Variants in CMTM2 observed in about 807,000 individuals in gnomAD.
CMTM2 encodes CKLF-like MARVEL transmembrane domain-containing protein 2.
A neutral mutation model predicts 16.8 loss-of-function variants in CMTM2; 15 were observed. The ratio of observed to expected loss-of-function variants is 0.89; its 90% CI spans 0.60 to 1.37. The LOEUF (loss-of-function observed/expected upper bound fraction) is 1.37, where lower values mean the gene tolerates loss of function less well. CMTM2 is among the 40% of genes most tolerant of loss of function. The pLI is 0.00. For synonymous variants in CMTM2, 117 were observed against 118.7 expected (o/e 0.99, Z 0.09); for missense variants, 282 against 318.0 (o/e 0.89, Z 0.86).
rs928529579 is a variant in CMTM2 at position 66,587,770 on chromosome 16, C to T, written c.547-149C>T. The T allele has an allele frequency of 1.6e-5, 12 of 756,824 alleles. No individual in the cohort carries two copies. The African/African-American group carries it at 2.1e-4, about 13-fold the overall frequency. 46.9% of individuals were successfully genotyped at this position (756,824 alleles called of 1,614,324 possible). A position where few individuals can be genotyped will look rare whatever the true frequency, so the allele number is the denominator to read the frequency against. ...AGAAGGCAAAGGCTGAGGGAGTAGG[C>T]ACGCTCCTAGCCTCTCAGAGATGGT... On this transcript the variant is annotated intron_variant, in intron 3 of 3. Coordinates refer to ENST00000268595, the MANE Select transcript of CMTM2 (RefSeq NM_144673.3).
chr16:66,587,779 A>T, intron 3 of CMTM2, 140 bp from the exon 4 acceptor site: 1 of 817,478 alleles, frequency 1.2e-6, no homozygotes, highest in Non-Finnish European at 2.0e-6. Flanking sequence ...GCACGCTCCT[A>T]GCCTCTCAGA....
chr16:66,585,803 T>C (rs2014786255), intron 2 of CMTM2, among the ~76,000 whole-genome samples: 1 of 152,156 alleles, frequency 6.6e-6, no homozygotes, highest in African/African-American at 2.4e-5. Flanking sequence ...TTCTGGGCAT[T>C]TGAAATGTAT....
intron 2 of CMTM2, among the ~76,000 whole-genome samples, chr16:66,584,886 G>A (rs989253699): frequency 2.6e-5 from 4 of 151,908 alleles, no homozygotes; most frequent in Non-Finnish European, 5.9e-5. Flanking sequence ...GAGTCCAGGA[G>A]TCCAGGACTT....
In CMTM2 at chr16:66,582,884, T is replaced by TA. The variant is rs1555495290; in HGVS notation, c.444+2703dup. ...GTGAGACTCCATCTCAAAAAATAAATAAATAAAATAAAATAAAATAGACAT... is the reference window on the plus strand; with the variant it reads ...GTGAGACTCCATCTCAAAAAATAAATAAAATAAAATAAAATAAAATAGACAT... On this transcript the variant is annotated intron_variant, in intron 2 of 3. Transcript: ENST00000268595. Among the ~76,000 whole-genome samples the TA allele has an allele frequency of 3.3e-5, 5 of 151,742 alleles. No individual in the cohort carries two copies. In the East Asian group the frequency reaches 5.8e-4, roughly 18 times the overall value.
rs779892904 is a variant in CMTM2, at chr16:66,580,067, C to G, written c.327C>G (p.Thr109=). The G allele has an allele frequency of 3.1e-6, 5 of 1,614,090 alleles. No homozygotes were observed. Among genetic ancestry groups the G allele is most frequent in the Admixed American group, 1.7e-5 (1 of 60,004 alleles). Residue 109 remains threonine, a synonymous_variant, in exon 2 of 4, where the codon ACC becomes ACG. Coordinates refer to ENST00000268595, the MANE Select transcript of CMTM2 (RefSeq NM_144673.3). ...CAATGATACTGTTGTCCTCACTCAC[C>G]GTGCACCCCATCTTGAGGCTTATCA... ...IAAMILLSSL[T]VHPILRLIIT... is the part of the protein sequence containing the mutation.
chr16:66,587,867 C>A, intron 3 of CMTM2, 52 bp from the exon 4 acceptor site: 1 of 1,584,678 alleles, frequency 6.3e-7, no homozygotes, highest in South Asian at 1.1e-5. Flanking sequence ...GAGGGAAACT[C>A]ACCACCTTTG....
At chr16:66,583,844 C>T (rs2014762312) in intron 2 of CMTM2, among the ~76,000 whole-genome samples, 1 of 152,090 alleles carries the variant, frequency 6.6e-6, no homozygotes, top group South Asian at 2.1e-4. Flanking sequence ...TACCATAAAG[C>T]TTTGGTACTA....
At chr16:66,580,317 C>A in intron 2 of CMTM2, 133 bp downstream of exon 2, 2 of 944,516 alleles carry the variant, frequency 2.1e-6, no homozygotes, top group Non-Finnish European at 3.2e-6. Context: ...CTCAGAACAT[C>A]AGTGGGGCCC....
chr16:66,585,645 C>A (rs1019332779), intron 2 of CMTM2, among the ~76,000 whole-genome samples: 1 of 152,012 alleles, frequency 6.6e-6, no homozygotes, highest in African/African-American at 2.4e-5. Flanking sequence ...GGGAAGGAAG[C>A]GAGGGGGCTG....
intron 2 of CMTM2, among the ~76,000 whole-genome samples, chr16:66,580,885 C>T (rs1249774829): frequency 2.0e-5 from 3 of 152,148 alleles, no homozygotes; most frequent in African/African-American, 7.2e-5. Context: ...CTGCCCATCA[C>T]CTGTTTAACC....
At position 66,579,788 on chromosome 16, in the gene CMTM2, G is replaced by A. The variant is rs9925443; in HGVS notation, c.181G>A (p.Glu61Lys). 3.8e-4 allele frequency: 619 copies of A among 1,614,164 alleles called. 4 individuals carry two copies. In the African/African-American group the frequency reaches 6.8e-3, roughly 18 times the overall value. ...TCAAAAGGCGGTGCAGCCCAAGCAC[G>A]AAGTGGGCACGAGGAGGGGGTGTCG... Reference protein sequence around the residue: ...KPQKAVQPKHEVGTRRGCRRY... With the variant: ...KPQKAVQPKHKVGTRRGCRRY... Residue 61 changes from glutamate (E) to lysine (K), a missense_variant, in exon 1 of 4, where the codon GAA becomes AAA. Glu to Lys is a moderately conservative substitution (Grantham distance 56). Coordinates refer to ENST00000268595, the MANE Select transcript of CMTM2 (RefSeq NM_144673.3). The surrounding 1 kb of genome is among the most constrained non-coding windows in gnomAD (Gnocchi z 6.5).
intron 2 of CMTM2, among the ~76,000 whole-genome samples, chr16:66,581,514 A>C (rs1243769772): frequency 6.6e-6 from 1 of 152,198 alleles, no homozygotes; most frequent in Non-Finnish European, 1.5e-5. Flanking sequence ...GGAATGGTCC[A>C]AGAGGTATTG....
intron 2 of CMTM2, among the ~76,000 whole-genome samples, chr16:66,582,978 GCTTCT>G (rs2014752690): frequency 6.6e-6 from 1 of 152,294 alleles, no homozygotes; most frequent in African/African-American, 2.4e-5. Flanking sequence ...ATGCTTACTA[GCTTCT>G]CTTGTATTCA....
At position 66,579,671 on chromosome 16, in the gene CMTM2, GC is replaced by G; in HGVS notation, c.66del (p.Lys23AsnfsTer53). ...EPAPAPPPPGAKPEEDKKDGK... is the reference protein window; with the variant it reads ...EPAPAPPPPGXKPEEDKKDGK... ...AGCACCAGCTCCACCTCCACCCGGG[GC>G]CAAACCCGAGGAAGACAAGAAGGAC... On this transcript the variant is annotated frameshift_variant, in exon 1 of 4. Coordinates refer to ENST00000268595, the MANE Select transcript of CMTM2 (RefSeq NM_144673.3). LOFTEE classifies it high-confidence loss of function. The surrounding 1 kb of genome is among the most constrained non-coding windows in gnomAD (Gnocchi z 6.5). The G allele has an allele frequency of 6.2e-7, 1 of 1,614,060 alleles. No homozygotes were observed. Among genetic ancestry groups the G allele is most frequent in the Non-Finnish European group, 8.5e-7 (1 of 1,180,006 alleles).
chr16:66,587,872 C>A, intron 3 of CMTM2, 47 bp from the exon 4 acceptor site: 3 of 1,596,854 alleles, frequency 1.9e-6, no homozygotes, highest in Non-Finnish European at 2.6e-6. Context: ...AAACTCACCA[C>A]CTTTGGAATG....
chr16:66,579,586 A>C lies in CMTM2; in HGVS notation c.-22A>C, dbSNP rs1367592804. 1.2e-6 allele frequency: 2 copies of C among 1,612,980 alleles called. No homozygotes were observed. The highest frequency in any genetic ancestry group is 1.3e-5 in the African/African-American group (1 of 74,826). On this transcript the variant is annotated 5_prime_UTR_variant, in exon 1 of 4. Transcript: ENST00000268595. The surrounding 1 kb of genome is among the most constrained non-coding windows in gnomAD (Gnocchi z 6.5). Reference sequence around the variant, plus strand: ...GAGAAGAAACAGGCCAGCTGTGAGAAGCCAAGGACACCGAGTCAGTCATGG... The same window carrying C: ...GAGAAGAAACAGGCCAGCTGTGAGACGCCAAGGACACCGAGTCAGTCATGG...
rs1216639322 is a variant in CMTM2 at position 66,588,178 on chromosome 16, C to T, written c.*59C>T. On this transcript the variant is annotated 3_prime_UTR_variant, in exon 4 of 4. Transcript: ENST00000268595. ...TGTATTTTACAGCAATATGTTTCCA[C>T]TCTCTTCCTTGTCTTCTTTCTGGAA... is the stretch of plus-strand genomic sequence containing the variant. 4 of 1,465,584 alleles carry T rather than the reference C, an allele frequency of 2.7e-6. No individual in the cohort carries two copies. In the South Asian group the frequency reaches 3.5e-5, roughly 13 times the overall value. The allele number at this position is 1,465,584 out of a possible 1,614,324, so 90.8% of individuals were successfully genotyped here. A position where few individuals can be genotyped will look rare whatever the true frequency, so the allele number is the denominator to read the frequency against.
At chr16:66,587,157 G>A (rs2014803227) in intron 3 of CMTM2, 59 bp downstream of exon 3, 1 of 1,300,580 alleles carries the variant, frequency 7.7e-7, no homozygotes, top group Non-Finnish European at 1.1e-6. Context: ...TTGGAGGATG[G>A]GTGTTGTCCT....
chr16:66,579,683 G>A lies in CMTM2; in HGVS notation c.76G>A (p.Glu26Lys). ...APPPPGAKPEEDKKDGKEPSD... is the reference protein window; with the variant it reads ...APPPPGAKPEKDKKDGKEPSD... ...ACCTCCACCCGGGGCCAAACCCGAG[G>A]AAGACAAGAAGGACGGTAAGGAGCC... The change falls in exon 1 of 4, where the codon GAA becomes AAA. Residue 26 changes from glutamate to lysine, a missense_variant. Transcript: ENST00000268595. This position sits in a 1 kb window ranked among gnomAD's most constrained non-coding sequence, Gnocchi z 6.5. The A allele has an allele frequency of 6.2e-7, 1 of 1,613,814 alleles. No individual in the cohort carries two copies. The highest frequency in any genetic ancestry group is 8.5e-7 in the Non-Finnish European group (1 of 1,179,996).
Sources: allele counts gnomAD v4.1 joint callset (sites outside exome capture counted in the v4.1 genomes callset), GRCh38; gene constraint gnomAD v4.1.1; non-coding constraint Gnocchi (gnomAD v3.1); transcripts MANE v1.5; gene names NCBI Gene and HGNC (gene_info 2026-07-23, HGNC 2026-07-21).